Variants in TSHZ2 observed in about 807,000 individuals in gnomAD.
TSHZ2 encodes teashirt homolog 2.
TSHZ2 carries 21 observed loss-of-function variants against 74.4 expected under a neutral mutation model. The ratio of observed to expected loss-of-function variants is 0.28; its 90% CI spans 0.20 to 0.41. TSHZ2 has a LOEUF of 0.41. Ranked by LOEUF, TSHZ2 falls within the 10% of genes least tolerant of loss-of-function variation. The probability of loss-of-function intolerance (pLI) is 1.00; values close to 1 mark genes in which losing one functional copy is unlikely to be tolerated. For missense variants in TSHZ2, 1,244 were observed against 1,293.5 expected (o/e 0.96, Z 0.59); for synonymous variants, 540 against 515.3 (o/e 1.05, Z -0.65).
chr20:53,259,742 T>A (rs896234823), intron 2 of TSHZ2, among the ~76,000 whole-genome samples: 7 of 152,224 alleles, frequency 4.6e-5, no homozygotes, highest in African/African-American at 1.7e-4. Flanking sequence ...AAATGTGTAT[T>A]TCAGATAAAT....
At chr20:53,215,889 T>A (rs1049510371) in intron 1 of TSHZ2, among the ~76,000 whole-genome samples, 9 of 151,610 alleles carry the variant, frequency 5.9e-5, no homozygotes, top group African/African-American at 2.2e-4. Context: ...AAAAAAAATT[T>A]AAAAAATGGT....
At chr20:53,395,534 C>T (rs1384236729) in intron 2 of TSHZ2, among the ~76,000 whole-genome samples, 1 of 152,192 alleles carries the variant, frequency 6.6e-6, no homozygotes, top group Non-Finnish European at 1.5e-5. Context: ...AAGACATTTT[C>T]CAGAGGACCA....
At position 53,198,614 on chromosome 20, in the gene TSHZ2, AT is replaced by A. The variant is rs1013437974; in HGVS notation, c.41-54876del. ...TAATTTATAAGCTTTTACCTTCTTG[AT>A]TTTTTTTTCACTATTTCAAAACTGC... On this transcript the variant is annotated intron_variant, in intron 1 of 2. Coordinates refer to ENST00000371497, the MANE Select transcript of TSHZ2 (RefSeq NM_173485.6). 2.6e-3 allele frequency among the ~76,000 whole-genome samples: 391 copies of A among 151,620 alleles called. 3 individuals are homozygous for A. The highest frequency in any genetic ancestry group is 7.3e-3 in the African/African-American group (302 of 41,324).
At chr20:53,471,572 C>T (rs1482172170) in intron 2 of TSHZ2, among the ~76,000 whole-genome samples, 1 of 152,116 alleles carries the variant, frequency 6.6e-6, no homozygotes, top group Non-Finnish European at 1.5e-5. Flanking sequence ...TGAGAAAGCA[C>T]CATCTGAACT....
chr20:53,478,408 A>G lies in TSHZ2; in HGVS notation c.*9-8736A>G, dbSNP rs1986045576. Among the ~76,000 whole-genome samples the G allele has an allele frequency of 2.6e-5, 4 of 151,416 alleles. No individual in the cohort carries two copies. In the South Asian group the frequency reaches 8.4e-4, roughly 32 times the overall value. Reference sequence around the variant, plus strand: ...GTCATCATTCTCAGTAAACTATCGCAAGAACAAAAAACCAAACACTGCATA... The same window carrying G: ...GTCATCATTCTCAGTAAACTATCGCGAGAACAAAAAACCAAACACTGCATA... On this transcript the variant is annotated intron_variant, in intron 2 of 2. Transcript: ENST00000371497.
intron 1 of TSHZ2, among the ~76,000 whole-genome samples, chr20:53,176,564 C>T (rs1988341945): frequency 6.6e-6 from 1 of 152,142 alleles, no homozygotes; most frequent in African/African-American, 2.4e-5. Flanking sequence ...GTGACCGGTA[C>T]TGGTGCAAAA....
At chr20:53,054,230 A>G (rs1188198469) in intron 1 of TSHZ2, among the ~76,000 whole-genome samples, 1 of 152,216 alleles carries the variant, frequency 6.6e-6, no homozygotes, top group Non-Finnish European at 1.5e-5. Flanking sequence ...TGTTACAAAG[A>G]AAGAGAAACT....
intron 1 of TSHZ2, among the ~76,000 whole-genome samples, chr20:53,067,621 A>C (rs1225275702): frequency 6.6e-6 from 1 of 152,202 alleles, no homozygotes. Flanking sequence ...GAGCCTTCTA[A>C]AGTACTTTCC....
intron 2 of TSHZ2, among the ~76,000 whole-genome samples, chr20:53,342,817 T>C (rs1980262925): frequency 6.6e-6 from 1 of 152,130 alleles, no homozygotes; most frequent in African/African-American, 2.4e-5. Context: ...TTCTCCCTTC[T>C]GCTGTGGAAC....
intron 1 of TSHZ2, among the ~76,000 whole-genome samples, chr20:53,172,476 T>C (rs1014626582): frequency 6.6e-6 from 1 of 152,144 alleles, no homozygotes; most frequent in Non-Finnish European, 1.5e-5. Context: ...CAGTTAACAG[T>C]TTAAGCTGCT....
intron 2 of TSHZ2, among the ~76,000 whole-genome samples, chr20:53,368,647 A>G (rs1446293786): frequency 6.6e-6 from 1 of 152,162 alleles, no homozygotes; most frequent in African/African-American, 2.4e-5. Context: ...TTATCCAAGG[A>G]TGACGCCATA....
intron 2 of TSHZ2, among the ~76,000 whole-genome samples, chr20:53,413,458 C>T (rs528819505): frequency 6.6e-6 from 1 of 152,228 alleles, no homozygotes; most frequent in Admixed American, 6.5e-5. Flanking sequence ...GAGCTACTAG[C>T]TTTGAATCTT....
chr20:53,145,496 C>G (rs977967750), intron 1 of TSHZ2, among the ~76,000 whole-genome samples: 9 of 152,122 alleles, frequency 5.9e-5, no homozygotes, highest in East Asian at 1.9e-4. Context: ...CAGAGTGGGG[C>G]CATAAGACAG....
chr20:53,015,636 A>G (rs1326094544), intron 1 of TSHZ2, among the ~76,000 whole-genome samples: 3 of 152,164 alleles, frequency 2.0e-5, no homozygotes, highest in Non-Finnish European at 1.5e-5. Flanking sequence ...TCATGGATAA[A>G]TTAAGTTCTA....
intron 1 of TSHZ2, among the ~76,000 whole-genome samples, chr20:53,193,121 C>A: frequency 6.9e-6 from 1 of 144,260 alleles, no homozygotes; most frequent in African/African-American, 2.6e-5. Flanking sequence ...TGTATAGAAC[C>A]ATGAAGAATG....
In TSHZ2 at chr20:53,256,508, A is replaced by G; in HGVS notation, c.3050A>G (p.His1017Arg). ...HAVKLHLSKT[H>R]SKSPEHHSQF... is the part of the protein sequence containing the mutation. ...GTAAAACTCCACCTAAGCAAAACGC[A>G]CAGCAAGTCACCCGAACACCATTCA... The change falls in exon 2 of 3, where the codon CAC becomes CGC. Residue 1017 changes from histidine to arginine, a missense_variant. Physicochemically the swap from His to Arg is conservative, Grantham distance 29 (BLOSUM62 0). This residue lies in a region of TSHZ2 where 185 missense variants were observed against 213.3 expected (regional missense o/e 0.87). Transcript: ENST00000371497. The surrounding 1 kb of genome is among the most constrained non-coding windows in gnomAD (Gnocchi z 4.3). 2 of 1,612,076 alleles carry G rather than the reference A, an allele frequency of 1.2e-6. No individual in the cohort carries two copies. Among genetic ancestry groups the G allele is most frequent in the East Asian group, 4.5e-5 (2 of 44,844 alleles).
chr20:53,296,035 C>A (rs112101357), intron 2 of TSHZ2, among the ~76,000 whole-genome samples: 11,937 of 96,186 alleles, frequency 0.12, 483 homozygotes, highest in Middle Eastern at 0.2. Context: ...GTAATGACTG[C>A]AAAAAAAAAA....
intron 1 of TSHZ2, among the ~76,000 whole-genome samples, chr20:53,000,970 A>T (rs562898177): frequency 5.9e-5 from 9 of 152,278 alleles, no homozygotes; most frequent in South Asian, 4.1e-4. Flanking sequence ...CCTCAGATGG[A>T]TTCAGAGGTT....
chr20:53,442,613 G>A (rs1984381588), intron 2 of TSHZ2, among the ~76,000 whole-genome samples: 1 of 152,166 alleles, frequency 6.6e-6, no homozygotes, highest in Non-Finnish European at 1.5e-5. Flanking sequence ...CACTCTGAGA[G>A]ATCGCTCATC....
Sources: allele counts gnomAD v4.1 joint callset (sites outside exome capture counted in the v4.1 genomes callset), GRCh38; gene constraint gnomAD v4.1.1; regional missense constraint gnomAD v4.1.1; non-coding constraint Gnocchi (gnomAD v3.1); transcripts MANE v1.5; gene names NCBI Gene and HGNC (gene_info 2026-07-23, HGNC 2026-07-21).